Variants in SLC25A13 observed in about 807,000 individuals in gnomAD.
The protein encoded by SLC25A13 is electrogenic aspartate/glutamate antiporter SLC25A13, mitochondrial.
SLC25A13 carries 70 observed loss-of-function variants against 85.5 expected under a neutral mutation model. That is an observed-to-expected ratio of 0.82 (90% CI 0.68 to 1.00). SLC25A13 has a LOEUF of 1.00. SLC25A13 is among the 50% of genes least tolerant of loss of function. The pLI is 0.00. For missense variants in SLC25A13, 765 were observed against 819.8 expected, an observed-to-expected ratio of 0.93 and a Z score of 0.82; for synonymous variants, 259 against 288.7, an observed-to-expected ratio of 0.90 and a Z score of 1.04.
At chr7:96,212,687 A>G (rs146433772) in intron 4 of SLC25A13, among the ~76,000 whole-genome samples, 26 of 152,348 alleles carry the variant, frequency 1.7e-4, no homozygotes, top group Non-Finnish European at 3.4e-4. Flanking sequence ...TCACTGAGAC[A>G]TGATAGATCC....
At chr7:96,246,413 C>T (rs1797189702) in intron 3 of SLC25A13, among the ~76,000 whole-genome samples, 3 of 152,062 alleles carry the variant, frequency 2.0e-5, no homozygotes, top group African/African-American at 7.2e-5. Context: ...ATCTCTGAAG[C>T]AAGGTAATGA....
intron 9 of SLC25A13, among the ~76,000 whole-genome samples, chr7:96,186,977 G>A (rs1184444308): frequency 6.6e-6 from 1 of 151,908 alleles, no homozygotes; most frequent in Non-Finnish European, 1.5e-5. Context: ...TATTACAGTT[G>A]ATCGTTACTT....
At chr7:96,184,566 G>A (rs1794549232) in intron 10 of SLC25A13, 131 bp from the exon 11 acceptor site, 5 of 835,198 alleles carry the variant, frequency 6.0e-6, no homozygotes, top group Non-Finnish European at 9.6e-6. Flanking sequence ...TTTTAAAACA[G>A]TACTACCTTT....
At chr7:96,130,671 G>C in intron 15 of SLC25A13, among the ~76,000 whole-genome samples, 1 of 152,160 alleles carries the variant, frequency 6.6e-6, no homozygotes, top group South Asian at 2.1e-4. Context: ...CATGAGTCAA[G>C]CTGGAATTAA....
intron 14 of SLC25A13, among the ~76,000 whole-genome samples, chr7:96,132,197 C>G (rs1319696996): frequency 6.6e-6 from 1 of 152,180 alleles, no homozygotes; most frequent in East Asian, 1.9e-4. Flanking sequence ...CTACTGGTGG[C>G]AAGCCACTGG....
intron 1 of SLC25A13, among the ~76,000 whole-genome samples, chr7:96,304,474 C>T (rs1384828537): frequency 6.6e-6 from 1 of 152,142 alleles, no homozygotes; most frequent in Non-Finnish European, 1.5e-5. Context: ...TATTAAGAGG[C>T]AGAGTATAAC....
chr7:96,152,509 T>C (rs1793091345), intron 13 of SLC25A13, among the ~76,000 whole-genome samples: 1 of 152,104 alleles, frequency 6.6e-6, no homozygotes, highest in Non-Finnish European at 1.5e-5. Flanking sequence ...CTGCTGAATA[T>C]AGGGCAAAAA....
chr7:96,282,612 T>C (rs1798731294), intron 2 of SLC25A13, among the ~76,000 whole-genome samples: 1 of 152,226 alleles, frequency 6.6e-6, no homozygotes, highest in Non-Finnish European at 1.5e-5. Context: ...AATGGTATTA[T>C]GACTGTGTAG....
At chr7:96,316,678 CT>C (rs1346824027) in intron 1 of SLC25A13, among the ~76,000 whole-genome samples, 16 of 152,148 alleles carry the variant, frequency 1.1e-4, no homozygotes, top group African/African-American at 3.9e-4. Flanking sequence ...CAGAAAGCAC[CT>C]ACTTCTTAGA....
At chr7:96,147,624 T>C (rs1208678331) in intron 13 of SLC25A13, among the ~76,000 whole-genome samples, 1 of 152,228 alleles carries the variant, frequency 6.6e-6, no homozygotes, top group Non-Finnish European at 1.5e-5. Context: ...CAAACTATAC[T>C]GTACTAATTA....
intron 4 of SLC25A13, among the ~76,000 whole-genome samples, chr7:96,216,515 T>C (rs1795905465): frequency 6.6e-6 from 1 of 151,966 alleles, no homozygotes; most frequent in South Asian, 2.1e-4. Context: ...CTATCAACGA[T>C]AGAGTGGATA....
At chr7:96,292,066 A>G (rs2116982163) in intron 2 of SLC25A13, among the ~76,000 whole-genome samples, 1 of 152,346 alleles carries the variant, frequency 6.6e-6, no homozygotes, top group East Asian at 1.9e-4. Flanking sequence ...CAGCACATCA[A>G]AATGCTTATC....
intron 6 of SLC25A13, among the ~76,000 whole-genome samples, chr7:96,192,455 C>T (rs1434418776): frequency 1.3e-5 from 2 of 152,068 alleles, no homozygotes; most frequent in African/African-American, 2.4e-5. Context: ...TGGTGCTCCA[C>T]GAGCAGGTCT....
chr7:96,268,712 C>T (rs1188144792), intron 3 of SLC25A13, among the ~76,000 whole-genome samples: 1 of 152,148 alleles, frequency 6.6e-6, no homozygotes, highest in Non-Finnish European at 1.5e-5. Flanking sequence ...GATGGCTCTC[C>T]AGCACTCTCA....
chr7:96,168,919 G>A (rs533559499), intron 13 of SLC25A13, among the ~76,000 whole-genome samples: 2 of 152,266 alleles, frequency 1.3e-5, no homozygotes, highest in African/African-American at 4.8e-5. Context: ...ATGGGGAAGA[G>A]CAACTTCTAA....
intron 17 of SLC25A13, 34 bp from the exon 18 acceptor site, chr7:96,121,411 T>A (rs981543020): frequency 6.2e-7 from 1 of 1,611,458 alleles, no homozygotes; most frequent in Non-Finnish European, 8.5e-7. Context: ...AGAAGCTGTA[T>A]TTTTTGTTTG....
chr7:96,180,618 C>CGGT (rs1391369442), intron 11 of SLC25A13, among the ~76,000 whole-genome samples: 3 of 152,216 alleles, frequency 2.0e-5, no homozygotes, highest in Non-Finnish European at 2.9e-5. Context: ...CATAAGCCAC[C>CGGT]GTACCCGGCC....
At chr7:96,222,265 G>A (rs1173423041) in intron 4 of SLC25A13, among the ~76,000 whole-genome samples, 2 of 152,124 alleles carry the variant, frequency 1.3e-5, no homozygotes, top group East Asian at 1.9e-4. Flanking sequence ...GGCAAAACTG[G>A]ACCAGTTTCT....
In SLC25A13 at chr7:96,316,557, C is replaced by T. The variant is rs142982871; in HGVS notation, c.15+5385G>A. On this transcript the variant is annotated intron_variant, in intron 1 of 17. Transcript: ENST00000265631. Reference sequence around the variant, plus strand: ...AGGTTAAGAGCAGAGACTCTGAAGACACATTGGCAAGGTTCAAATCAAGAC... The same window carrying T: ...AGGTTAAGAGCAGAGACTCTGAAGATACATTGGCAAGGTTCAAATCAAGAC... Among the ~76,000 whole-genome samples, 586 of 152,296 alleles carry T rather than the reference C, an allele frequency of 3.8e-3. 5 individuals carry two copies. The highest frequency in any genetic ancestry group is 0.014 in the African/African-American group (569 of 41,550).
Sources: allele counts gnomAD v4.1 joint callset (sites outside exome capture counted in the v4.1 genomes callset), GRCh38; gene constraint gnomAD v4.1.1; transcripts MANE v1.5; gene names NCBI Gene and HGNC (gene_info 2026-07-23, HGNC 2026-07-21).